Variants in DOK6 observed in about 807,000 individuals in gnomAD.
DOK6 encodes the protein downstream of tyrosine kinase 6.
Under a neutral mutation model 44.0 loss-of-function variants are expected in DOK6, and 22 were observed. The observed-to-expected ratio is 0.50, with a 90% confidence interval of 0.36 to 0.71. The LOEUF (loss-of-function observed/expected upper bound fraction) is 0.71. Among genes scored for constraint, DOK6 ranks in the 30% least tolerant of loss-of-function variants. The probability of loss-of-function intolerance (pLI) is 0.00; values close to 1 mark genes in which losing one functional copy is unlikely to be tolerated. For missense variants in DOK6, 340 were observed against 416.4 expected (o/e 0.82, Z 1.60); for synonymous variants, 166 against 145.5 (o/e 1.14, Z -1.01).
At chr18:69,705,092 C>T (rs1321931094) in intron 5 of DOK6, 1 of 152,210 alleles carries the variant, frequency 6.6e-6, no homozygotes, top group Non-Finnish European at 1.5e-5. Flanking sequence ...CCTCGGCCCT[C>T]CAGGAGGATT....
At chr18:69,704,210 C>T (rs1029138539) in intron 5 of DOK6, among the ~76,000 whole-genome samples, 1 of 152,196 alleles carries the variant, frequency 6.6e-6, no homozygotes, top group African/African-American at 2.4e-5. Context: ...TAGCCCACCA[C>T]CCAGAAGGTG....
intron 7 of DOK6, among the ~76,000 whole-genome samples, chr18:69,786,597 T>C (rs1235072871): frequency 6.6e-6 from 1 of 152,196 alleles, no homozygotes; most frequent in Non-Finnish European, 1.5e-5. Flanking sequence ...TATTTCCTAC[T>C]AGTAGCAAGT....
chr18:69,507,226 A>T (rs1981218427), intron 1 of DOK6, among the ~76,000 whole-genome samples: 1 of 151,834 alleles, frequency 6.6e-6, no homozygotes, highest in Non-Finnish European at 1.5e-5. Context: ...AGGGGGTTTC[A>T]CCGTGTTAGC....
rs189543606 is a variant in DOK6 at position 69,749,397 on chromosome 18, A to T, written c.739-8359A>T. ...GCCATCTTCAATCTTTCACAAAATA[A>T]TGCAATATTTATTACTATTTATGAT... is the stretch of plus-strand genomic sequence containing the variant. On this transcript the variant is annotated intron_variant, in intron 6 of 7. Coordinates refer to ENST00000382713, the MANE Select transcript of DOK6 (RefSeq NM_152721.6). Among the ~76,000 whole-genome samples, 122 of 152,326 alleles carry T rather than the reference A, an allele frequency of 8.0e-4. No homozygotes were observed. The East Asian group carries it at 0.022, about 27-fold the overall frequency.
chr18:69,823,852 C>CA lies in DOK6; in HGVS notation c.857-17384dup, dbSNP rs199663715. Reference sequence around the variant, plus strand: ...ATTTATATTTGGAAAGAACTGTCTACAAAAAAAATAGCATTTACTCTAAAA... The same window carrying CA: ...ATTTATATTTGGAAAGAACTGTCTACAAAAAAAAATAGCATTTACTCTAAAA... On this transcript the variant is annotated intron_variant, in intron 7 of 7. Coordinates refer to ENST00000382713, the MANE Select transcript of DOK6 (RefSeq NM_152721.6). 4.6e-3 allele frequency among the ~76,000 whole-genome samples: 702 copies of CA among 151,376 alleles called. 5 individuals carry two copies. Among genetic ancestry groups the CA allele is most frequent in the African/African-American group, 0.015 (615 of 41,302 alleles).
intron 1 of DOK6, among the ~76,000 whole-genome samples, chr18:69,491,755 T>C (rs1441640531): frequency 6.6e-6 from 1 of 152,238 alleles, no homozygotes; most frequent in Non-Finnish European, 1.5e-5. Context: ...CCTTGGAGAT[T>C]GTTTATTGTA....
intron 1 of DOK6, among the ~76,000 whole-genome samples, chr18:69,554,627 A>G (rs924178713): frequency 1.3e-5 from 2 of 152,158 alleles, no homozygotes; most frequent in Non-Finnish European, 2.9e-5. Context: ...TGCAATGTAC[A>G]GATATTTCTG....
Position 69,571,199 on chromosome 18 carries a change from A to G in DOK6, c.174+6605A>G, listed in dbSNP as rs193111698. ...TAGACTTGGAAAAATTAAGGAGTTT[A>G]TTGTAATCCCCAGAATAACATTTTT... On this transcript the variant is annotated intron_variant, in intron 2 of 7. Transcript: ENST00000382713. Among the ~76,000 whole-genome samples the G allele has an allele frequency of 1.6e-3, 247 of 152,118 alleles. 2 individuals carry two copies. Among genetic ancestry groups the G allele is most frequent in the African/African-American group, 5.8e-3 (241 of 41,562 alleles).
At chr18:69,774,390 A>G (rs1416408737) in intron 7 of DOK6, among the ~76,000 whole-genome samples, 1 of 151,652 alleles carries the variant, frequency 6.6e-6, no homozygotes, top group East Asian at 1.9e-4. Flanking sequence ...ATAAAGGACT[A>G]CAAATTGGGT....
intron 3 of DOK6, among the ~76,000 whole-genome samples, chr18:69,650,637 C>A (rs540481214): frequency 1.3e-5 from 2 of 152,274 alleles, no homozygotes; most frequent in South Asian, 4.1e-4. Context: ...TGCTGTTCAA[C>A]GGGTGTAAAG....
intron 3 of DOK6, among the ~76,000 whole-genome samples, chr18:69,605,717 A>G (rs546572637): frequency 9.2e-5 from 14 of 152,296 alleles, no homozygotes; most frequent in African/African-American, 3.4e-4. Flanking sequence ...CTATGAGAAA[A>G]TAAAAAATAG....
chr18:69,766,311 A>G (rs963330229), intron 7 of DOK6, among the ~76,000 whole-genome samples: 1 of 152,184 alleles, frequency 6.6e-6, no homozygotes, highest in Admixed American at 6.5e-5. Flanking sequence ...CACCCGGGTG[A>G]TGGGATCAGT....
At chr18:69,411,061 C>T (rs542809173) in intron 1 of DOK6, among the ~76,000 whole-genome samples, 2 of 152,014 alleles carry the variant, frequency 1.3e-5, no homozygotes, top group Non-Finnish European at 2.9e-5. Context: ...AAAATCGAAG[C>T]AATATATAGC....
At chr18:69,713,130 A>G (rs1393154651) in intron 5 of DOK6, among the ~76,000 whole-genome samples, 2 of 152,188 alleles carry the variant, frequency 1.3e-5, no homozygotes, top group Non-Finnish European at 2.9e-5. Flanking sequence ...CCAGATCACA[A>G]TCTATCCCTA....
Position 69,832,427 on chromosome 18 carries a change from G to C in DOK6, c.857-8817G>C, listed in dbSNP as rs142865229. 247 of 152,158 alleles carry C rather than the reference G, an allele frequency of 1.6e-3. 3 individuals carry two copies. Among genetic ancestry groups the C allele is most frequent in the African/African-American group, 5.4e-3 (224 of 41,534 alleles). The allele number at this position is 152,158 out of a possible 1,614,324, so 9.4% of individuals were successfully genotyped here. On this transcript the variant is annotated intron_variant, in intron 7 of 7. Coordinates refer to ENST00000382713, the MANE Select transcript of DOK6 (RefSeq NM_152721.6). The stretch of plus-strand genomic sequence containing the variant: ...TTTAATGTGTTGTTTAATTCTATTT[G>C]CTACTATTTTGTTGAGAATTTTTGA...
chr18:69,563,764 C>T (rs1458270285), intron 1 of DOK6, among the ~76,000 whole-genome samples: 1 of 151,692 alleles, frequency 6.6e-6, no homozygotes, highest in Admixed American at 6.6e-5. Flanking sequence ...AACAAACCTG[C>T]CCATTGTGCG....
At chr18:69,751,928 C>T (rs529201093) in intron 6 of DOK6, among the ~76,000 whole-genome samples, 1 of 152,046 alleles carries the variant, frequency 6.6e-6, no homozygotes, top group Admixed American at 6.5e-5. Context: ...AATAAAGCTA[C>T]AATTTACAAT....
intron 6 of DOK6, among the ~76,000 whole-genome samples, chr18:69,747,186 A>G (rs1599302618): frequency 6.6e-6 from 1 of 152,374 alleles, no homozygotes; most frequent in Admixed American, 6.5e-5. Flanking sequence ...ATAAATGTCA[A>G]TTTATAAATG....
At chr18:69,489,090 A>G (rs1980665307) in intron 1 of DOK6, among the ~76,000 whole-genome samples, 1 of 152,196 alleles carries the variant, frequency 6.6e-6, no homozygotes, top group African/African-American at 2.4e-5. Context: ...ATAAAGAACC[A>G]CGGCTGAACT....
Sources: gnomAD v4.1 joint callset for allele counts (sites outside exome capture counted in the v4.1 genomes callset) on GRCh38, gnomAD v4.1.1 for gene constraint, MANE v1.5 for transcripts, NCBI Gene and HGNC (gene_info 2026-07-23, HGNC 2026-07-21) for gene names.